MBIP: variants seen among roughly 807,000 people sequenced by gnomAD.
MBIP encodes the protein MAP3K12-binding inhibitory protein 1.
In MBIP, 32 loss-of-function variants were observed where a neutral mutation model predicts 45.7. The observed-to-expected ratio is 0.70, with a 90% confidence interval of 0.53 to 0.94. The LOEUF is 0.94. MBIP is among the 40% of genes least tolerant of loss of function. MBIP has a pLI of 0.00. For synonymous variants in MBIP, 145 were observed against 141.0 expected (o/e 1.03, Z -0.20); for missense variants, 381 against 405.5 (o/e 0.94, Z 0.52).
chr14:36,314,323 T>C (rs1244803659), intron 4 of MBIP, 189 bp downstream of exon 4: 21 of 466,854 alleles, frequency 4.5e-5, no homozygotes, highest in Non-Finnish European at 3.8e-5. Context: ...GTAACCAAAA[T>C]GAAAACCAGT....
At position 36,316,675 on chromosome 14, in the gene MBIP, T is replaced by C. The variant is rs1241196814; in HGVS notation, c.249+18A>G. ...TCTATTTTCAATATCGGGTTATCAT[T>C]TCTAACAAGAAATTTACCTGTAAAT... is the stretch of plus-strand genomic sequence containing the variant. On this transcript the variant is annotated intron_variant, in intron 2 of 8. Coordinates refer to ENST00000416007, the MANE Select transcript of MBIP (RefSeq NM_016586.3). 4 of 1,591,696 alleles carry C rather than the reference T, an allele frequency of 2.5e-6. No homozygotes were observed. The highest frequency in any genetic ancestry group is 3.4e-6 in the Non-Finnish European group (4 of 1,170,982).
chr14:36,314,408 G>C (rs1880415328), intron 4 of MBIP, 104 bp downstream of exon 4: 1 of 681,590 alleles, frequency 1.5e-6, no homozygotes, highest in Admixed American at 3.3e-5. Context: ...GAAATAAATT[G>C]AATTGTGTTC....
At chr14:36,309,801 C>T in intron 6 of MBIP, among the ~76,000 whole-genome samples, 1 of 152,160 alleles carries the variant, frequency 6.6e-6, no homozygotes, top group East Asian at 1.9e-4. Context: ...CACCATTCTT[C>T]AGTGCTCCTG....
chr14:36,314,281 TA>T (rs1203433201), intron 4 of MBIP: 5 of 425,302 alleles, frequency 1.2e-5, no homozygotes, highest in African/African-American at 2.1e-5. Flanking sequence ...TCACCTGTGA[TA>T]AACACTTTTT....
At chr14:36,311,533 CA>C (rs1178374143) in intron 6 of MBIP, 39 bp downstream of exon 6, 1 of 1,538,560 alleles carries the variant, frequency 6.5e-7, no homozygotes, top group African/African-American at 1.4e-5. Flanking sequence ...TAACCATTTG[CA>C]AAGGTTCATT....
intron 6 of MBIP, among the ~76,000 whole-genome samples, chr14:36,308,923 C>T (rs1247541538): frequency 6.6e-6 from 1 of 152,210 alleles, no homozygotes; most frequent in Non-Finnish European, 1.5e-5. Flanking sequence ...CATCATTTCT[C>T]TGCTTCCAAT....
intron 6 of MBIP, among the ~76,000 whole-genome samples, chr14:36,309,158 T>C (rs1880056211): frequency 6.6e-6 from 1 of 152,166 alleles, no homozygotes; most frequent in Non-Finnish European, 1.5e-5. Context: ...CCCAAGTCAA[T>C]TTCAAGTCTT....
intron 4 of MBIP, among the ~76,000 whole-genome samples, chr14:36,312,743 A>C (rs1880281238): frequency 6.6e-6 from 1 of 152,056 alleles, no homozygotes. Flanking sequence ...AGATGTTAAC[A>C]TATAATACAA....
chr14:36,299,008 T>G lies in MBIP; in HGVS notation c.*75A>C, dbSNP rs953704090. 5 of 1,021,780 alleles carry G rather than the reference T, an allele frequency of 4.9e-6. No individual in the cohort carries two copies. The African/African-American group carries it at 7.9e-5, about 16-fold the overall frequency. The allele number at this position is 1,021,780 out of a possible 1,614,324, so 63.3% of individuals were successfully genotyped here. Reference sequence around the variant, plus strand: ...AGAAGTCTACATTGATAAATATATATCCGTTGAATTAATAACAGTGTAAGT... The same window carrying G: ...AGAAGTCTACATTGATAAATATATAGCCGTTGAATTAATAACAGTGTAAGT... On this transcript the variant is annotated 3_prime_UTR_variant, in exon 9 of 9. Transcript: ENST00000416007.
chr14:36,310,211 T>C (rs1880121012), intron 6 of MBIP, among the ~76,000 whole-genome samples: 1 of 152,222 alleles, frequency 6.6e-6, no homozygotes, highest in Non-Finnish European at 1.5e-5. Context: ...CAGTGTCTTA[T>C]TACTCTCAAA....
intron 7 of MBIP, 83 bp downstream of exon 7, chr14:36,308,009 A>G (rs1594513254): frequency 9.7e-6 from 7 of 722,004 alleles, no homozygotes; most frequent in Admixed American, 7.3e-5. Context: ...TTTTGCTTAT[A>G]GATCAATGAG....
At chr14:36,316,858 G>C in intron 1 of MBIP, 46 bp from the exon 2 acceptor site, 1 of 1,569,424 alleles carries the variant, frequency 6.4e-7, no homozygotes, top group Non-Finnish European at 8.6e-7. Flanking sequence ...ACACGATTAA[G>C]CTCTACATAT....
At chr14:36,317,646 A>C (rs1414783470) in intron 1 of MBIP, among the ~76,000 whole-genome samples, 1 of 152,044 alleles carries the variant, frequency 6.6e-6, no homozygotes, top group Non-Finnish European at 1.5e-5. Context: ...ATGAGTGAAA[A>C]TTTTACAATG....
Position 36,311,689 on chromosome 14 carries a change from C to A in MBIP, c.674G>T (p.Arg225Ile), listed in dbSNP as rs1566552493. The A allele has an allele frequency of 6.2e-7, 1 of 1,613,252 alleles. No individual in the cohort carries two copies. Among genetic ancestry groups the A allele is most frequent in the South Asian group, 1.1e-5 (1 of 91,012 alleles). ...ACCTGACCCTGGAATTCCTTCAGGT[C>A]TAGTCTGTGGTCCGTATGTATTCAC... is the stretch of plus-strand genomic sequence containing the variant. The part of the protein sequence containing the change: ...RVVNTYGPQT[R>I]PEGIPGSGHK... Residue 225 changes from arginine (R) to isoleucine (I), a missense_variant, in exon 6 of 9, where the codon AGA (arginine) becomes ATA (isoleucine). By Grantham distance (97) the Arg-to-Ile change is moderately conservative. Transcript: ENST00000416007.
Position 36,312,039 on chromosome 14 carries a change from G to A in MBIP, c.572-15C>T. On this transcript the variant is annotated splice_polypyrimidine_tract_variant and intron_variant, in intron 4 of 8. Coordinates refer to ENST00000416007, the MANE Select transcript of MBIP (RefSeq NM_016586.3). Reference sequence around the variant, plus strand: ...ACAACTATTTTCTAAGGAGAATTTAGATAAATATAAGTTTAAATATATTCT... The same window carrying A: ...ACAACTATTTTCTAAGGAGAATTTAAATAAATATAAGTTTAAATATATTCT... The A allele has an allele frequency of 6.8e-7, 1 of 1,479,818 alleles. No individual in the cohort carries two copies. The highest frequency in any genetic ancestry group is 2.3e-5 in the East Asian group (1 of 43,010). 91.7% of individuals were successfully genotyped at this position (1,479,818 alleles called of 1,614,324 possible).
chr14:36,302,173 T>A (rs1594506241), intron 7 of MBIP, among the ~76,000 whole-genome samples: 1 of 152,218 alleles, frequency 6.6e-6, no homozygotes, highest in Non-Finnish European at 1.5e-5. Flanking sequence ...TCCTAAGAGG[T>A]GGCTTTTTAT....
At chr14:36,318,495 T>G (rs2139240428) in intron 1 of MBIP, among the ~76,000 whole-genome samples, 1 of 152,044 alleles carries the variant, frequency 6.6e-6, no homozygotes, top group Middle Eastern at 3.4e-3. Flanking sequence ...CCTACAGAAC[T>G]TGGAAGAGTA....
At chr14:36,312,575 A>G (rs993012091) in intron 4 of MBIP, among the ~76,000 whole-genome samples, 3 of 152,156 alleles carry the variant, frequency 2.0e-5, no homozygotes, top group African/African-American at 7.2e-5. Flanking sequence ...CCTTCATCAC[A>G]AAAGTCATCT....
At chr14:36,315,916 A>G (rs1030614894) in intron 2 of MBIP, among the ~76,000 whole-genome samples, 3 of 89,858 alleles carry the variant, frequency 3.3e-5, no homozygotes, top group Non-Finnish European at 7.6e-5. Context: ...TAACACCTTA[A>G]TCACAGTAAA....
Sources: gnomAD v4.1 joint callset for allele counts (sites outside exome capture counted in the v4.1 genomes callset) on GRCh38, gnomAD v4.1.1 for gene constraint, MANE v1.5 for transcripts, NCBI Gene and HGNC (gene_info 2026-07-23, HGNC 2026-07-21) for gene names.